The following NMBR variants were observed in gnomAD, a reference collection of about 807,000 sequenced individuals.
NMBR encodes the protein neuromedin-B receptor.
NMBR carries 16 observed loss-of-function variants against 20.5 expected under a neutral mutation model. The observed-to-expected ratio is 0.78, with a 90% confidence interval of 0.53 to 1.19. The LOEUF is 1.19. NMBR is among the 50% of genes most tolerant of loss of function. The probability of loss-of-function intolerance (pLI) is 0.00; values close to 1 mark genes in which losing one functional copy is unlikely to be tolerated. For synonymous variants in NMBR, 212 were observed against 196.6 expected (o/e 1.08, Z -0.65); for missense variants, 582 against 499.1 (o/e 1.17, Z -1.58).
At chr6:142,128,698 C>A (rs1778084489) in intron 1 of NMBR, among the ~76,000 whole-genome samples, 1 of 151,904 alleles carries the variant, frequency 6.6e-6, no homozygotes, top group Admixed American at 6.6e-5. Context: ...TTAAGCAATC[C>A]TTGCATCTCA....
At chr6:142,146,454 G>C (rs1385380610) in intron 1 of NMBR, among the ~76,000 whole-genome samples, 3 of 152,152 alleles carry the variant, frequency 2.0e-5, no homozygotes, top group African/African-American at 7.2e-5. Flanking sequence ...GAGAGGAGAG[G>C]AAGAGAATTG....
At chr6:142,076,571 T>C (rs1270122432) in intron 3 of NMBR, among the ~76,000 whole-genome samples, 1 of 152,182 alleles carries the variant, frequency 6.6e-6, no homozygotes, top group Non-Finnish European at 1.5e-5. Context: ...AAGCATCTGA[T>C]ATAACCGTGA....
intron 1 of NMBR, among the ~76,000 whole-genome samples, chr6:142,126,070 G>A (rs1196349676): frequency 2.0e-5 from 3 of 151,660 alleles, no homozygotes; most frequent in Non-Finnish European, 4.4e-5. Flanking sequence ...CTAGCTTCTG[G>A]CAATCACCAT....
chr6:142,097,488 T>C lies in NMBR; in HGVS notation c.-663-8167A>G, dbSNP rs530915799. On this transcript the variant is annotated intron_variant, in intron 1 of 3. Coordinates refer to ENST00000258042, the MANE Select transcript of NMBR (RefSeq NM_002511.4). ...ATCCATCATAAATAAAGTCAAAAAA[T>C]CATAAGTCAAATCATTGTAAGTGAA... Among the ~76,000 whole-genome samples, 90 of 152,204 alleles carry C rather than the reference T, an allele frequency of 5.9e-4. 1 individual carries two copies. Among genetic ancestry groups the C allele is most frequent in the African/African-American group, 1.9e-3 (80 of 41,554 alleles).
Position 142,074,967 on chromosome 6 carries a change from T to C in NMBR, c.*681A>G, listed in dbSNP as rs1400096017. ...TTAATCACATACTTAGAATTACAGA[T>C]ATGAATTATTTCTATAAATTATGAT... On this transcript the variant is annotated 3_prime_UTR_variant, in exon 4 of 4. Transcript: ENST00000258042. Among the ~76,000 whole-genome samples, 1 of 152,076 alleles carries C rather than the reference T, an allele frequency of 6.6e-6. No homozygotes were observed. Among genetic ancestry groups the C allele is most frequent in the African/African-American group, 2.4e-5 (1 of 41,430 alleles).
At chr6:142,110,259 A>G (rs1777737957) in intron 1 of NMBR, among the ~76,000 whole-genome samples, 1 of 152,212 alleles carries the variant, frequency 6.6e-6, no homozygotes, top group African/African-American at 2.4e-5. Flanking sequence ...ATGTCTACAC[A>G]AAACCTATAT....
chr6:142,119,414 C>A (rs1447483820), intron 1 of NMBR, among the ~76,000 whole-genome samples: 1 of 151,844 alleles, frequency 6.6e-6, no homozygotes, highest in African/African-American at 2.4e-5. Context: ...AGGAGCTGGT[C>A]CAACCAGTTA....
At chr6:142,093,955 T>G (rs1393297290) in intron 1 of NMBR, among the ~76,000 whole-genome samples, 1 of 148,608 alleles carries the variant, frequency 6.7e-6, no homozygotes, top group East Asian at 2.0e-4. Context: ...TGTGTTCTTT[T>G]GAGAAGTGTC....
At chr6:142,094,776 A>G (rs1217353078) in intron 1 of NMBR, among the ~76,000 whole-genome samples, 2 of 152,086 alleles carry the variant, frequency 1.3e-5, no homozygotes, top group Non-Finnish European at 2.9e-5. Flanking sequence ...GATTCTTCCT[A>G]CCCATGAGCA....
chr6:142,116,900 T>A (rs1023018627), intron 1 of NMBR, among the ~76,000 whole-genome samples: 7 of 152,096 alleles, frequency 4.6e-5, no homozygotes, highest in African/African-American at 1.7e-4. Flanking sequence ...TAACTCCTGC[T>A]AGTATGATCA....
At chr6:142,102,217 T>A (rs1282649317) in intron 1 of NMBR, among the ~76,000 whole-genome samples, 6 of 151,444 alleles carry the variant, frequency 4.0e-5, no homozygotes, top group African/African-American at 1.5e-4. Flanking sequence ...TGAATCCCCG[T>A]CTCTACTAAA....
Position 142,075,692 on chromosome 6 carries a change from C to A in NMBR, c.1129G>T (p.Val377Phe). ...TTCATGCTGTGCCCATTTAGTAAAACAGAATTGGTCACCATGTTCTTAGCA... is the reference window on the plus strand; with the variant it reads ...TTCATGCTGTGCCCATTTAGTAAAAAAGAATTGGTCACCATGTTCTTAGCA... Reference protein sequence around the residue: ...SNAKNMVTNSVLLNGHSMKQE... With the variant: ...SNAKNMVTNSFLLNGHSMKQE... The change falls in exon 4 of 4, where the codon GTT becomes TTT. Residue 377 changes from valine (V) to phenylalanine (F), a missense_variant. Physicochemically the swap from Val to Phe is conservative, Grantham distance 50 (BLOSUM62 -1). Coordinates refer to ENST00000258042, the MANE Select transcript of NMBR (RefSeq NM_002511.4). 6.2e-7 allele frequency: 1 copy of A among 1,613,346 alleles called. No individual in the cohort carries two copies. Among genetic ancestry groups the A allele is most frequent in the Non-Finnish European group, 8.5e-7 (1 of 1,179,644 alleles).
At chr6:142,104,342 T>C (rs942937050) in intron 1 of NMBR, among the ~76,000 whole-genome samples, 3 of 152,242 alleles carry the variant, frequency 2.0e-5, no homozygotes, top group Non-Finnish European at 4.4e-5. Context: ...TGCATTAAGA[T>C]ATAACTTGAA....
At chr6:142,078,280 A>G (rs1013231562) in intron 3 of NMBR, among the ~76,000 whole-genome samples, 1 of 152,250 alleles carries the variant, frequency 6.6e-6, no homozygotes, top group Non-Finnish European at 1.5e-5. Flanking sequence ...AAAAATCTGC[A>G]TGTAAAACAG....
chr6:142,076,366 T>A (rs915820973), intron 3 of NMBR, among the ~76,000 whole-genome samples: 13 of 152,194 alleles, frequency 8.5e-5, no homozygotes, highest in African/African-American at 3.1e-4. Flanking sequence ...TAAATATAAG[T>A]CATTTCTGTT....
At chr6:142,092,873 T>G (rs1235431744) in intron 1 of NMBR, among the ~76,000 whole-genome samples, 1 of 152,134 alleles carries the variant, frequency 6.6e-6, no homozygotes, top group Admixed American at 6.6e-5. Context: ...TATCTGCATG[T>G]GGGAAAATTA....
intron 1 of NMBR, among the ~76,000 whole-genome samples, chr6:142,146,834 G>T (rs1040294420): frequency 6.6e-6 from 1 of 152,074 alleles, no homozygotes; most frequent in African/African-American, 2.4e-5. Context: ...AATCAAAAAG[G>T]CTTCTAAAGG....
At chr6:142,134,886 C>T (rs775493358) in intron 1 of NMBR, 1 of 618,094 alleles carries the variant, frequency 1.6e-6, no homozygotes. Flanking sequence ...TTTTTGAGAT[C>T]ATATTTAGAA....
chr6:142,139,254 A>T (rs1778322868), intron 1 of NMBR, among the ~76,000 whole-genome samples: 1 of 152,208 alleles, frequency 6.6e-6, no homozygotes, highest in Non-Finnish European at 1.5e-5. Context: ...ATTATTGCCC[A>T]ATCATAGATA....
Sources: allele counts gnomAD v4.1 joint callset (sites outside exome capture counted in the v4.1 genomes callset), GRCh38; gene constraint gnomAD v4.1.1; transcripts MANE v1.5; gene names NCBI Gene and HGNC (gene_info 2026-07-23, HGNC 2026-07-21).